Variants in GCNT1 observed in about 807,000 individuals in gnomAD.
GCNT1 encodes the protein beta-1,3-galactosyl-O-glycosyl-glycoprotein beta-1,6-N-acetylglucosaminyltransferase.
A neutral mutation model predicts 26.2 loss-of-function variants in GCNT1; 16 were observed. The observed-to-expected ratio is 0.61, with a 90% CI of 0.41 to 0.93. The LOEUF is 0.93. Ranked by LOEUF, GCNT1 falls within the 40% of genes least tolerant of loss-of-function variation. The pLI is 0.00. For missense variants in GCNT1, 477 were observed against 526.7 expected, an observed-to-expected ratio of 0.91 and a Z score of 0.92; for synonymous variants, 183 against 190.8, an observed-to-expected ratio of 0.96 and a Z score of 0.34.
chr9:76,491,793 A>G (rs556967646), intron 2 of GCNT1, among the ~76,000 whole-genome samples: 1 of 152,178 alleles, frequency 6.6e-6, no homozygotes, highest in Non-Finnish European at 1.5e-5. Flanking sequence ...CTGGGAGAAA[A>G]GTGGCAGGGT....
At chr9:76,429,715 CTTTTTT>C (rs59977325) in intron 1 of GCNT1, among the ~76,000 whole-genome samples, 2 of 107,104 alleles carry the variant, frequency 1.9e-5, no homozygotes, top group African/African-American at 3.6e-5. Context: ...TGTTTTCTTT[CTTTTTT>C]TTTTTTTTTT....
At chr9:76,454,648 G>A (rs544075369), upstream of GCNT1, among the ~76,000 whole-genome samples, 119 of 151,310 alleles carry the variant, frequency 7.9e-4, no homozygotes, top group African/African-American at 2.6e-3. Context: ...AGTTTCCCCC[G>A]TGTTGTTTTT....
intron 2 of GCNT1, among the ~76,000 whole-genome samples, chr9:76,466,552 C>G (rs1823999311): frequency 6.6e-6 from 1 of 152,190 alleles, no homozygotes; most frequent in African/African-American, 2.4e-5. Context: ...ATCTGCCCAC[C>G]TTGGCTTCCC....
the GCNT1 span, among the ~76,000 whole-genome samples, chr9:76,397,313 T>TAAA: frequency 2.7e-5 from 4 of 147,092 alleles, no homozygotes; most frequent in Admixed American, 2.7e-4. Context: ...TAGATAGATT[T>TAAA]AAAAAAAAAA....
intron 2 of GCNT1, among the ~76,000 whole-genome samples, chr9:76,484,843 C>CA (rs1824526328): frequency 1.4e-5 from 2 of 142,870 alleles, no homozygotes; most frequent in Admixed American, 7.5e-5. Flanking sequence ...GGCTGGAGTG[C>CA]AGTGGCACCA....
At chr9:76,465,288 T>A (rs1823969893) in intron 2 of GCNT1, among the ~76,000 whole-genome samples, 1 of 151,878 alleles carries the variant, frequency 6.6e-6, no homozygotes, top group Non-Finnish European at 1.5e-5. Context: ...CACACCCAGA[T>A]AATTTTTGTA....
rs2131651364 is a variant in GCNT1 at position 76,504,902 on chromosome 9, G to T, written c.*1234G>T. ...GGAAGGCCTGGGGAGGGAACTTTGG[G>T]TTTGGGACAGATTTTTTTTTTTGTT... On this transcript the variant is annotated 3_prime_UTR_variant, in exon 4 of 4. Coordinates refer to ENST00000376730, the MANE Select transcript of GCNT1 (RefSeq NM_001490.5). 7.3e-6 allele frequency: 3 copies of T among 412,812 alleles called. No individual in the cohort carries two copies. The South Asian group carries it at 3.9e-4, about 53-fold the overall frequency. The allele number at this position is 412,812 out of a possible 1,614,324, so 25.6% of individuals were successfully genotyped here. A position where few individuals can be genotyped will look rare whatever the true frequency, so the allele number is the denominator to read the frequency against.
At chr9:76,454,940 C>T (rs1056835585), upstream of GCNT1, among the ~76,000 whole-genome samples, 27 of 149,994 alleles carry the variant, frequency 1.8e-4, no homozygotes, top group East Asian at 9.8e-4. Context: ...CTCCGCCTCC[C>T]GGGTTCAAGC....
chr9:76,474,643 G>A (rs889496406), intron 2 of GCNT1, among the ~76,000 whole-genome samples: 13 of 152,206 alleles, frequency 8.5e-5, no homozygotes, highest in Non-Finnish European at 7.3e-5. Context: ...AACATGGAAC[G>A]TGAACGCAGA....
At chr9:76,435,509 A>G (rs141416172) in intron 1 of GCNT1, among the ~76,000 whole-genome samples, 1 of 152,312 alleles carries the variant, frequency 6.6e-6, no homozygotes, top group East Asian at 1.9e-4. Context: ...TCTGGAGGCT[A>G]GCAATCCAAG....
At chr9:76,444,619 A>G (rs1823545216) in intron 1 of GCNT1, among the ~76,000 whole-genome samples, 1 of 152,218 alleles carries the variant, frequency 6.6e-6, no homozygotes, top group South Asian at 2.1e-4. Flanking sequence ...CAGTTTCCCT[A>G]GAGGCACGGG....
chr9:76,449,784 T>G (rs1269198959), intron 1 of GCNT1, among the ~76,000 whole-genome samples: 1 of 152,156 alleles, frequency 6.6e-6, no homozygotes, highest in Non-Finnish European at 1.5e-5. Flanking sequence ...TCGTTTTTGT[T>G]TGTTTTGTTT....
the GCNT1 span, among the ~76,000 whole-genome samples, chr9:76,404,822 CTT>C: frequency 3.5e-5 from 5 of 144,422 alleles, no homozygotes; most frequent in Non-Finnish European, 4.6e-5. Context: ...TTTAAGTCAT[CTT>C]TTTTTTTTTT....
chr9:76,407,052 T>C, the GCNT1 span, among the ~76,000 whole-genome samples: 2 of 152,062 alleles, frequency 1.3e-5, no homozygotes, highest in Non-Finnish European at 2.9e-5. Context: ...AAAAATAAAA[T>C]AAAAAGTCAT....
intron 1 of GCNT1, among the ~76,000 whole-genome samples, chr9:76,425,467 C>T (rs1412164519): frequency 2.0e-5 from 3 of 152,096 alleles, no homozygotes; most frequent in Admixed American, 2.0e-4. Flanking sequence ...AGGTGATCCA[C>T]CCACCTCGGC....
chr9:76,486,811 C>T (rs933954115), intron 2 of GCNT1, among the ~76,000 whole-genome samples: 1 of 152,168 alleles, frequency 6.6e-6, no homozygotes, highest in Non-Finnish European at 1.5e-5. Flanking sequence ...TGCAGTGGCT[C>T]ATGCCTACAA....
chr9:76,434,847 A>G (rs1449595207), intron 1 of GCNT1, among the ~76,000 whole-genome samples: 1 of 152,096 alleles, frequency 6.6e-6, no homozygotes, highest in African/African-American at 2.4e-5. Flanking sequence ...AGGTCTATAA[A>G]CAGCCACTCT....
upstream of GCNT1, among the ~76,000 whole-genome samples, chr9:76,458,898 G>A (rs556790384): frequency 6.6e-6 from 1 of 152,358 alleles, no homozygotes; most frequent in South Asian, 2.1e-4. Flanking sequence ...AGCATTTCTC[G>A]AGTTTCCTGC....
chr9:76,432,081 C>T (rs541522529), intron 1 of GCNT1, among the ~76,000 whole-genome samples: 2 of 152,122 alleles, frequency 1.3e-5, no homozygotes, highest in East Asian at 3.9e-4. Context: ...TGCACTCCAG[C>T]CTGGGCAACA....
Sources: gnomAD v4.1 joint callset for allele counts (sites outside exome capture counted in the v4.1 genomes callset) on GRCh38, gnomAD v4.1.1 for gene constraint, MANE v1.5 for transcripts, NCBI Gene and HGNC (gene_info 2026-07-23, HGNC 2026-07-21) for gene names.